Variants in SEMA6D observed in about 807,000 individuals in gnomAD.
SEMA6D encodes the protein semaphorin-6D.
A neutral mutation model predicts 106.6 loss-of-function variants in SEMA6D; 35 were observed. The ratio of observed to expected loss-of-function variants is 0.33; its 90% CI spans 0.25 to 0.44. The LOEUF (loss-of-function observed/expected upper bound fraction) is 0.44, where lower values mean the gene tolerates loss of function less well. Among genes scored for constraint, SEMA6D ranks in the 20% least tolerant of loss-of-function variants. SEMA6D has a pLI of 1.00. For missense variants in SEMA6D, 1,185 were observed against 1,345.9 expected (o/e 0.88, Z 1.87); for synonymous variants, 499 against 487.7 (o/e 1.02, Z -0.31).
chr15:47,299,914 A>T (rs1053371224), intron 1 of SEMA6D, among the ~76,000 whole-genome samples: 2 of 68,696 alleles, frequency 2.9e-5, no homozygotes, highest in Non-Finnish European at 5.6e-5. Context: ...AATTATTAAA[A>T]ACATGTCCAT....
intron 1 of SEMA6D, among the ~76,000 whole-genome samples, chr15:47,254,001 A>G (rs992312478): frequency 2.0e-5 from 3 of 151,928 alleles, no homozygotes; most frequent in Non-Finnish European, 2.9e-5. Flanking sequence ...GAATCTTTCT[A>G]TCTCCTTATG....
chr15:47,276,405 ACT>A lies in SEMA6D; in HGVS notation c.-239+91992_-239+91993del, dbSNP rs35201044. On this transcript the variant is annotated intron_variant, in intron 1 of 19. Coordinates refer to the SEMA6D transcript ENST00000558014. The stretch of plus-strand genomic sequence containing the variant: ...ATTCAAAGCTTTGAAGGACAGCCCA[ACT>A]CTCTTGTTAGGGACTGATGCAGCTG... 6.7e-3 allele frequency among the ~76,000 whole-genome samples: 1,016 copies of A among 152,192 alleles called. 5 individuals carry two copies. Among genetic ancestry groups the A allele is most frequent in the Non-Finnish European group, 0.011 (763 of 67,986 alleles).
In SEMA6D at chr15:47,628,537, CT is replaced by C. The variant is rs138379354; in HGVS notation, c.-55+27648del. On this transcript the variant is annotated intron_variant, in intron 4 of 19. Coordinates refer to the SEMA6D transcript ENST00000558014. ...ATGATGTTAAACATCTTTTCATGGGCTTTTTTTCTAACTATATATCCTCTTC... is the reference window on the plus strand; with the variant it reads ...ATGATGTTAAACATCTTTTCATGGGCTTTTTTCTAACTATATATCCTCTTC... Among the ~76,000 whole-genome samples, 6 of 152,032 alleles carry C rather than the reference CT, an allele frequency of 3.9e-5. No individual in the cohort carries two copies. The South Asian group carries it at 1.2e-3, about 32-fold the overall frequency.
intron 1 of SEMA6D, among the ~76,000 whole-genome samples, chr15:47,745,091 T>A (rs2081052044): frequency 6.6e-6 from 1 of 152,168 alleles, no homozygotes; most frequent in African/African-American, 2.4e-5. Context: ...TCCCCCAAGG[T>A]GATTCATAAG....
At chr15:47,539,184 C>T (rs1051898001) in intron 3 of SEMA6D, among the ~76,000 whole-genome samples, 7 of 152,122 alleles carry the variant, frequency 4.6e-5, no homozygotes, top group South Asian at 2.1e-4. Flanking sequence ...AAAGTCTTTC[C>T]TATATTGTGA....
chr15:47,519,332 G>A (rs1003046725), intron 3 of SEMA6D, among the ~76,000 whole-genome samples: 1 of 152,004 alleles, frequency 6.6e-6, no homozygotes, highest in Non-Finnish European at 1.5e-5. Context: ...TGATAGCCAG[G>A]GCATCACTAG....
intron 1 of SEMA6D, among the ~76,000 whole-genome samples, chr15:47,344,289 G>A (rs2037953829): frequency 6.6e-6 from 1 of 152,150 alleles, no homozygotes; most frequent in Admixed American, 6.6e-5. Flanking sequence ...ATAAATATCT[G>A]AGGACTTCTG....
intron 3 of SEMA6D, among the ~76,000 whole-genome samples, chr15:47,504,840 C>G (rs2043984320): frequency 6.6e-6 from 1 of 152,098 alleles, no homozygotes; most frequent in South Asian, 2.1e-4. Context: ...CCAGTCACTT[C>G]CCCGGGGAGT....
intron 1 of SEMA6D, among the ~76,000 whole-genome samples, chr15:47,242,243 T>C (rs561546064): frequency 6.6e-6 from 1 of 152,254 alleles, no homozygotes; most frequent in East Asian, 1.9e-4. Context: ...GTTTTTGCCG[T>C]TAAAAGTAAT....
At chr15:47,272,420 G>C (rs1358566805) in intron 1 of SEMA6D, among the ~76,000 whole-genome samples, 1 of 152,162 alleles carries the variant, frequency 6.6e-6, no homozygotes, top group Non-Finnish European at 1.5e-5. Context: ...ACTCAGAAGA[G>C]TGTGCTATAT....
rs755190297 is a variant in SEMA6D, at chr15:47,762,176, C to A, written c.539-24C>A. 3.2e-5 allele frequency: 52 copies of A among 1,613,276 alleles called. No individual in the cohort carries two copies. In the Admixed American group the frequency reaches 3.3e-4, roughly 10 times the overall value. On this transcript the variant is annotated intron_variant, in intron 7 of 18. Coordinates refer to ENST00000536845, the MANE Select transcript of SEMA6D (RefSeq NM_001358351.3). ...CTGCAGGATAATTATGGTTATCTTA[C>A]CAAAATTATACCTTTGGTTTCAGAT...
chr15:47,646,828 A>G (rs1214703761), intron 4 of SEMA6D, among the ~76,000 whole-genome samples: 2 of 152,186 alleles, frequency 1.3e-5, no homozygotes, highest in African/African-American at 2.4e-5. Flanking sequence ...ATGTATCACT[A>G]GCCACCATCT....
chr15:47,462,919 A>C (rs1043768500), intron 2 of SEMA6D, among the ~76,000 whole-genome samples: 1 of 152,116 alleles, frequency 6.6e-6, no homozygotes, highest in Non-Finnish European at 1.5e-5. Flanking sequence ...AATTCATTAG[A>C]TCTCTTAGCA....
Position 47,259,367 on chromosome 15 carries a change from G to T in SEMA6D, c.-239+74949G>T, listed in dbSNP as rs534923722. Among the ~76,000 whole-genome samples, 13 of 152,178 alleles carry T rather than the reference G, an allele frequency of 8.5e-5. No individual in the cohort carries two copies. In the East Asian group the frequency reaches 2.3e-3, roughly 27 times the overall value. On this transcript the variant is annotated intron_variant, in intron 1 of 19. Transcript: ENST00000558014. ...TATGTCTGCTCATGACAAATTGACAGATTTTTTTACACTTCTTTAATGTCT... is the reference window on the plus strand; with the variant it reads ...TATGTCTGCTCATGACAAATTGACATATTTTTTTACACTTCTTTAATGTCT...
chr15:47,494,800 T>C (rs1339148077), intron 3 of SEMA6D, among the ~76,000 whole-genome samples: 4 of 96,428 alleles, frequency 4.1e-5, no homozygotes, highest in African/African-American at 1.1e-4. Context: ...AATCTCCAGA[T>C]ACACACACAC....
At chr15:47,529,159 A>G (rs1159360865) in intron 3 of SEMA6D, among the ~76,000 whole-genome samples, 1 of 152,188 alleles carries the variant, frequency 6.6e-6, no homozygotes, top group African/African-American at 2.4e-5. Flanking sequence ...ATTAAAAATA[A>G]AATATGTTTA....
chr15:47,611,439 C>T lies in SEMA6D; in HGVS notation c.-55+10543C>T, dbSNP rs1052754299. 2.6e-5 allele frequency among the ~76,000 whole-genome samples: 4 copies of T among 151,946 alleles called. No homozygotes were observed. In the South Asian group the frequency reaches 8.3e-4, roughly 32 times the overall value. On this transcript the variant is annotated intron_variant, in intron 4 of 19. Transcript: ENST00000558014. ...TTAAGATTTGGGAAAATACTCAAGC[C>T]AAAACATTAAGTGAAAAACCAGATT...
At chr15:47,550,553 G>T (rs2045654459) in intron 3 of SEMA6D, among the ~76,000 whole-genome samples, 1 of 152,094 alleles carries the variant, frequency 6.6e-6, no homozygotes, top group Non-Finnish European at 1.5e-5. Context: ...GTGTTGTCAA[G>T]GAAACCTCCA....
At chr15:47,197,252 C>G (rs1328193071) in intron 1 of SEMA6D, among the ~76,000 whole-genome samples, 1 of 152,132 alleles carries the variant, frequency 6.6e-6, no homozygotes, top group Non-Finnish European at 1.5e-5. Flanking sequence ...ATGCTGTACC[C>G]TGTATACGAG....
Sources: allele counts gnomAD v4.1 joint callset (sites outside exome capture counted in the v4.1 genomes callset), GRCh38; gene constraint gnomAD v4.1.1; transcripts MANE v1.5; gene names NCBI Gene and HGNC (gene_info 2026-07-23, HGNC 2026-07-21).